LPP: variants seen among roughly 807,000 people sequenced by gnomAD.
LPP encodes LIM domain containing preferred translocation partner in lipoma, also known as lipoma-preferred partner.
In LPP, 38 loss-of-function variants were observed where a neutral mutation model predicts 60.4. That is an observed-to-expected ratio of 0.63 (90% CI 0.49 to 0.83). The LOEUF (loss-of-function observed/expected upper bound fraction) is 0.83, where lower values mean the gene tolerates loss of function less well. Among genes scored for constraint, LPP ranks in the 40% least tolerant of loss-of-function variants. The pLI is 0.00. For synonymous variants in LPP, 328 were observed against 290.8 expected, an observed-to-expected ratio of 1.13 and a Z score of -1.30; for missense variants, 902 against 783.6, an observed-to-expected ratio of 1.15 and a Z score of -1.80.
chr3:188,631,084 C>G (rs953068266), intron 7 of LPP, among the ~76,000 whole-genome samples: 2 of 152,034 alleles, frequency 1.3e-5, no homozygotes, highest in African/African-American at 4.8e-5. Context: ...TGATCACTAC[C>G]TGGGTGATGA....
chr3:188,635,496 C>T (rs1335276438), intron 7 of LPP, among the ~76,000 whole-genome samples: 6 of 152,138 alleles, frequency 3.9e-5, no homozygotes, highest in East Asian at 1.9e-4. Context: ...TCAGACAAGG[C>T]GTTCCGAACC....
chr3:188,358,955 G>A (rs982009577), intron 3 of LPP, among the ~76,000 whole-genome samples: 11 of 152,256 alleles, frequency 7.2e-5, no homozygotes, highest in East Asian at 5.8e-4. Context: ...CTGACAGTGC[G>A]TGTTAACATG....
chr3:188,222,137 T>C (rs1321932763), intron 1 of LPP, among the ~76,000 whole-genome samples: 1 of 152,190 alleles, frequency 6.6e-6, no homozygotes, highest in Non-Finnish European at 1.5e-5. Context: ...AAATGTGGAT[T>C]TGGAGGCCAT....
intron 4 of LPP, among the ~76,000 whole-genome samples, chr3:188,443,413 G>C (rs1794507066): frequency 6.6e-6 from 1 of 152,194 alleles, no homozygotes; most frequent in African/African-American, 2.4e-5. Flanking sequence ...GCCTGGCAGG[G>C]TTATCTTACG....
chr3:188,249,902 T>TATATA (rs1491332868), intron 2 of LPP, among the ~76,000 whole-genome samples: 2 of 80,454 alleles, frequency 2.5e-5, no homozygotes, highest in African/African-American at 1.4e-4. Flanking sequence ...TATATATATA[T>TATATA]TTTTTTTTTT....
chr3:188,501,084 T>C (rs1186349192), intron 5 of LPP, among the ~76,000 whole-genome samples: 4 of 152,078 alleles, frequency 2.6e-5, no homozygotes, highest in Non-Finnish European at 5.9e-5. Flanking sequence ...TCCCTTCTGG[T>C]AGATTTGGGT....
intron 6 of LPP, chr3:188,568,713 C>T (rs1832796099): frequency 6.6e-6 from 1 of 151,926 alleles, no homozygotes; most frequent in South Asian, 2.1e-4. Context: ...TGAGGTCTGA[C>T]AAACTTGTAG....
At chr3:188,317,833 G>C (rs1451759695) in intron 2 of LPP, among the ~76,000 whole-genome samples, 1 of 152,134 alleles carries the variant, frequency 6.6e-6, no homozygotes, top group South Asian at 2.1e-4. Context: ...AGGGAGAAAA[G>C]AGAGAATCTC....
At chr3:188,348,920 G>A (rs1287219332) in intron 3 of LPP, among the ~76,000 whole-genome samples, 1 of 152,188 alleles carries the variant, frequency 6.6e-6, no homozygotes, top group Non-Finnish European at 1.5e-5. Context: ...CACTCCTTGG[G>A]AATAATGGAA....
intron 7 of LPP, among the ~76,000 whole-genome samples, chr3:188,676,186 T>C (rs992329284): frequency 1.3e-5 from 2 of 152,344 alleles, no homozygotes; most frequent in South Asian, 2.1e-4. Flanking sequence ...AAGATTAGAT[T>C]TGTGTATTCA....
intron 9 of LPP, among the ~76,000 whole-genome samples, chr3:188,815,526 C>T (rs1370340783): frequency 6.7e-6 from 1 of 150,304 alleles, no homozygotes; most frequent in Admixed American, 6.6e-5. Flanking sequence ...ATGATTCTAT[C>T]TCCCTTTAGA....
At chr3:188,179,990 G>A (rs1724437910) in intron 1 of LPP, 1 of 160,870 alleles carries the variant, frequency 6.2e-6, no homozygotes, top group African/African-American at 2.4e-5. Context: ...TGGCCAATAA[G>A]AATGTATTGA....
intron 7 of LPP, among the ~76,000 whole-genome samples, chr3:188,663,114 C>T (rs1274928835): frequency 6.6e-6 from 1 of 152,172 alleles, no homozygotes; most frequent in Non-Finnish European, 1.5e-5. Context: ...AACAAACAAA[C>T]AAACATGATG....
intron 7 of LPP, among the ~76,000 whole-genome samples, chr3:188,679,558 T>TGC (rs1181172211): frequency 2.5e-5 from 2 of 79,112 alleles, no homozygotes; most frequent in East Asian, 4.9e-4. Context: ...TGTGTGTGTG[T>TGC]GTGTGCGCGC....
At chr3:188,700,824 G>A (rs1228789389) in intron 7 of LPP, among the ~76,000 whole-genome samples, 5 of 152,176 alleles carry the variant, frequency 3.3e-5, no homozygotes, top group Admixed American at 6.5e-5. Flanking sequence ...CAAAGGATCT[G>A]TAAATATGAA....
chr3:188,215,507 G>A (rs1018959785), intron 1 of LPP, among the ~76,000 whole-genome samples: 4 of 152,036 alleles, frequency 2.6e-5, no homozygotes, highest in African/African-American at 7.2e-5. Context: ...TCTAGGTTCT[G>A]TATCTAAGTG....
chr3:188,321,852 G>A (rs900650714), intron 2 of LPP, among the ~76,000 whole-genome samples: 2 of 152,156 alleles, frequency 1.3e-5, no homozygotes, highest in African/African-American at 4.8e-5. Context: ...AAGCTACCTT[G>A]TATTTATGGT....
chr3:188,669,588 A>G (rs1235585854), intron 7 of LPP, among the ~76,000 whole-genome samples: 1 of 152,102 alleles, frequency 6.6e-6, no homozygotes, highest in Non-Finnish European at 1.5e-5. Flanking sequence ...AAAAATAAAA[A>G]ATAAAAGTCA....
chr3:188,677,601 G>A (rs1326059766), intron 7 of LPP, among the ~76,000 whole-genome samples: 2 of 152,134 alleles, frequency 1.3e-5, no homozygotes, highest in African/African-American at 2.4e-5. Flanking sequence ...TCCTAGAGAT[G>A]ATATAACAGA....
Sources: gnomAD v4.1 joint callset for allele counts (sites outside exome capture counted in the v4.1 genomes callset) on GRCh38, gnomAD v4.1.1 for gene constraint, MANE v1.5 for transcripts, NCBI Gene and HGNC (gene_info 2026-07-23, HGNC 2026-07-21) for gene names.